Variants in ASXL2 observed in about 807,000 individuals in gnomAD.
ASXL2 encodes the protein putative Polycomb group protein ASXL2.
Under a neutral mutation model 122.0 loss-of-function variants are expected in ASXL2, and 23 were observed. The ratio of observed to expected loss-of-function variants is 0.19; its 90% CI spans 0.14 to 0.27. The LOEUF (loss-of-function observed/expected upper bound fraction) is 0.27. ASXL2 is among the 10% of genes least tolerant of loss of function. The pLI is 1.00. For synonymous variants in ASXL2, 650 were observed against 637.0 expected (o/e 1.02, Z -0.31); for missense variants, 1,518 against 1,713.8 (o/e 0.89, Z 2.02).
chr2:25,762,313 CAAA>C (rs35610577), intron 8 of ASXL2, among the ~76,000 whole-genome samples: 4 of 107,348 alleles, frequency 3.7e-5, no homozygotes, highest in Admixed American at 9.9e-5. Flanking sequence ...ATGAACACAC[CAAA>C]AAAAAAAAAA....
At chr2:25,877,531 G>C (rs1206184343) in intron 1 of ASXL2, among the ~76,000 whole-genome samples, 1 of 151,912 alleles carries the variant, frequency 6.6e-6, no homozygotes, top group East Asian at 1.9e-4. Flanking sequence ...GCCTTGTTCA[G>C]AGTAGGTCTC....
Position 25,737,056 on chromosome 2 carries a change from AGAG to A in ASXL2, c.*4970_*4972del, listed in dbSNP as rs1457581628. 6.6e-6 allele frequency: 1 copy of A among 152,160 alleles called. No homozygotes were observed. Among genetic ancestry groups the A allele is most frequent in the Admixed American group, 6.6e-5 (1 of 15,266 alleles). 9.4% of individuals were successfully genotyped at this position (152,160 alleles called of 1,614,324 possible). Reference sequence around the variant, plus strand: ...TTTCCATAGCTACCCTTCCTGACCCAGAGGAGTTCAAAATTCAAGTGTCAAATG... The same window carrying A: ...TTTCCATAGCTACCCTTCCTGACCCAGAGTTCAAAATTCAAGTGTCAAATG... On this transcript the variant is annotated 3_prime_UTR_variant, in exon 13 of 13. Transcript: ENST00000435504.
intron 1 of ASXL2, among the ~76,000 whole-genome samples, chr2:25,846,420 C>G (rs763989546): frequency 1.3e-5 from 2 of 152,090 alleles, no homozygotes; most frequent in Non-Finnish European, 2.9e-5. Context: ...CCGAGGCGGA[C>G]AGATGACTCT....
chr2:25,763,144 C>G (rs2088283444), intron 8 of ASXL2, among the ~76,000 whole-genome samples: 1 of 152,076 alleles, frequency 6.6e-6, no homozygotes. Context: ...CATCTCTCTC[C>G]ATTATTAATA....
intron 3 of ASXL2, among the ~76,000 whole-genome samples, chr2:25,819,130 G>C (rs1034589464): frequency 6.6e-6 from 1 of 152,090 alleles, no homozygotes; most frequent in African/African-American, 2.4e-5. Flanking sequence ...ACATGAGCTT[G>C]GAAGCTGATC....
chr2:25,864,611 T>C (rs752450642), intron 1 of ASXL2, among the ~76,000 whole-genome samples: 33 of 152,018 alleles, frequency 2.2e-4, no homozygotes, highest in Admixed American at 1.2e-3. Context: ...GGGTAATCTT[T>C]TACTTAATCA....
At chr2:25,854,671 T>C (rs547941140) in intron 1 of ASXL2, among the ~76,000 whole-genome samples, 1 of 152,318 alleles carries the variant, frequency 6.6e-6, no homozygotes, top group Non-Finnish European at 1.5e-5. Context: ...AGGCATGATA[T>C]GGAAAAGAGA....
chr2:25,804,027 T>C (rs1559515836), intron 4 of ASXL2, among the ~76,000 whole-genome samples: 1 of 152,150 alleles, frequency 6.6e-6, no homozygotes, highest in South Asian at 2.1e-4. Context: ...AGGCATTTAA[T>C]AAATTTTTTA....
rs150847324 is a variant in ASXL2, at chr2:25,740,817, T to TTG, written c.*1210_*1211dup. ...TCTAAAACAGGAAAAATGTCTTGTA[T>TTG]TGTGTGTGTGTGTGTACATACACGT... On this transcript the variant is annotated 3_prime_UTR_variant, in exon 13 of 13. Transcript: ENST00000435504. 4.8e-4 allele frequency: 93 copies of TTG among 194,912 alleles called. No homozygotes were observed. Among genetic ancestry groups the TTG allele is most frequent in the South Asian group, 1.2e-3 (6 of 5,180 alleles). 12.1% of individuals were successfully genotyped at this position (194,912 alleles called of 1,614,324 possible).
rs1050565146 is a variant in ASXL2 at position 25,743,546 on chromosome 2, T to G, written c.2791A>C (p.Thr931Pro). 2.5e-6 allele frequency: 4 copies of G among 1,613,928 alleles called. No homozygotes were observed. In the Admixed American group the frequency reaches 5.0e-5, roughly 20 times the overall value. The change falls in exon 13 of 13, where the codon ACT becomes CCT. Residue 931 changes from threonine (T) to proline (P), a missense_variant. Transcript: ENST00000435504. ...PAASSLKTPG[T>P]SLNMNGPTLR... ...GTGGGTCCATTCATGTTTAAAGAAG[T>G]TCCTGGGGTTTTAAGGCTAGAAGCT...
At chr2:25,808,630 C>A (rs2089119133) in intron 3 of ASXL2, among the ~76,000 whole-genome samples, 1 of 152,166 alleles carries the variant, frequency 6.6e-6, no homozygotes, top group South Asian at 2.1e-4. Context: ...CTGCGCCTGG[C>A]CAAAATTTTT....
At position 25,776,678 on chromosome 2, in the gene ASXL2, T is replaced by C. The variant is rs58751426; in HGVS notation, c.404-5138A>G. ...AATGCTTATTATTGTCTGTCTTTTT[T>C]ACTTGGCCAATGTTTTTAAAGAGAC... On this transcript the variant is annotated intron_variant, in intron 5 of 12. Coordinates refer to ENST00000435504, the MANE Select transcript of ASXL2 (RefSeq NM_018263.6). Among the ~76,000 whole-genome samples, 5 of 152,364 alleles carry C rather than the reference T, an allele frequency of 3.3e-5. No individual in the cohort carries two copies. The East Asian group carries it at 9.6e-4, about 29-fold the overall frequency.
chr2:25,748,041 G>A (rs971949808), intron 12 of ASXL2, among the ~76,000 whole-genome samples: 2 of 151,902 alleles, frequency 1.3e-5, no homozygotes, highest in Non-Finnish European at 2.9e-5. Context: ...GCCAGGCGTC[G>A]TGGCTTAATG....
intron 1 of ASXL2, among the ~76,000 whole-genome samples, chr2:25,853,999 TA>T (rs1158134155): frequency 1.3e-5 from 2 of 152,156 alleles, no homozygotes; most frequent in African/African-American, 4.8e-5. Context: ...AACTTGAGTG[TA>T]AAAGTAGCTG....
At chr2:25,783,032 G>A (rs1336045440) in intron 5 of ASXL2, among the ~76,000 whole-genome samples, 1 of 152,138 alleles carries the variant, frequency 6.6e-6, no homozygotes, top group East Asian at 1.9e-4. Flanking sequence ...GGCAGGCTGA[G>A]GCAGGAGAAT....
At chr2:25,759,716 G>C in intron 8 of ASXL2, 71 bp from the exon 9 acceptor site, 3 of 1,467,826 alleles carry the variant, frequency 2.0e-6, no homozygotes, top group South Asian at 1.4e-5. Context: ...GTAGCTTTCT[G>C]TGCAGTATAA....
intron 11 of ASXL2, 98 bp downstream of exon 11, chr2:25,753,436 C>A: frequency 1.3e-5 from 10 of 760,400 alleles, no homozygotes; most frequent in South Asian, 1.2e-4. Flanking sequence ...CAGAAGGAAA[C>A]TGGGGCCTAG....
rs985783653 is a variant in ASXL2 at position 25,735,487 on chromosome 2, T to A, written c.*6542A>T. On this transcript the variant is annotated 3_prime_UTR_variant, in exon 13 of 13. Transcript: ENST00000435504. ...AAGGACACAAAAGTAATTTTATCCA[T>A]TATGGAGAAAAACTGGGATGCAACA... The A allele has an allele frequency of 1.3e-5, 2 of 152,192 alleles. No homozygotes were observed. The highest frequency in any genetic ancestry group is 2.4e-5 in the African/African-American group (1 of 41,448). 9.4% of individuals were successfully genotyped at this position (152,192 alleles called of 1,614,324 possible).
At chr2:25,802,780 A>G (rs530303320) in intron 4 of ASXL2, among the ~76,000 whole-genome samples, 2 of 152,290 alleles carry the variant, frequency 1.3e-5, no homozygotes, top group East Asian at 3.9e-4. Context: ...TTAATCAGTC[A>G]TATGTGCTGA....
Sources: gnomAD v4.1 joint callset for allele counts (sites outside exome capture counted in the v4.1 genomes callset) on GRCh38, gnomAD v4.1.1 for gene constraint, MANE v1.5 for transcripts, NCBI Gene and HGNC (gene_info 2026-07-23, HGNC 2026-07-21) for gene names.